CNTNAP5: variants seen among roughly 807,000 people sequenced by gnomAD.
CNTNAP5 encodes contactin-associated protein-like 5.
Under a neutral mutation model 150.2 loss-of-function variants are expected in CNTNAP5, and 72 were observed. The observed-to-expected ratio is 0.48, with a 90% CI of 0.40 to 0.58. The LOEUF is 0.58. Among genes scored for constraint, CNTNAP5 ranks in the 20% least tolerant of loss-of-function variants. CNTNAP5 has a pLI of 0.00. For synonymous variants in CNTNAP5, 672 were observed against 619.8 expected (o/e 1.08, Z -1.25); for missense variants, 1,636 against 1,626.2 (o/e 1.01, Z -0.10).
intron 5 of CNTNAP5, among the ~76,000 whole-genome samples, chr2:124,440,222 C>T (rs1359262226): frequency 6.6e-6 from 1 of 152,110 alleles, no homozygotes; most frequent in Non-Finnish European, 1.5e-5. Context: ...GTGTTGATAG[C>T]CTGACAAATT....
At chr2:124,199,394 T>C (rs1039503719) in intron 1 of CNTNAP5, among the ~76,000 whole-genome samples, 11 of 150,158 alleles carry the variant, frequency 7.3e-5, no homozygotes, top group African/African-American at 2.0e-4. Flanking sequence ...ATGTATTTTG[T>C]TACATTTATT....
At chr2:124,423,652 CTTTTTTTT>C (rs1187961580) in intron 4 of CNTNAP5, among the ~76,000 whole-genome samples, 8 of 41,594 alleles carry the variant, frequency 1.9e-4, no homozygotes, top group East Asian at 9.0e-4. Flanking sequence ...GGCTAATTAA[CTTTTTTTT>C]TTTTTTTTTT....
Position 124,400,669 on chromosome 2 carries a change from G to GTTTTTTTTTTTTTTTTTT in CNTNAP5, c.382-16772_382-16755dup, listed in dbSNP as rs760418441. ...TAATTTTTGAAAGGATAAAGGCATT[G>GTTTTTTTTTTTTTTTTTT]TTTTTTTTTTTTTTTTTTTGTTTTT... On this transcript the variant is annotated intron_variant, in intron 3 of 23. Coordinates refer to ENST00000682447, the MANE Select transcript of CNTNAP5 (RefSeq NM_001367498.1). 1.3e-3 allele frequency among the ~76,000 whole-genome samples: 106 copies of GTTTTTTTTTTTTTTTTTT among 84,472 alleles called. 1 individual carries two copies. Among genetic ancestry groups the GTTTTTTTTTTTTTTTTTT allele is most frequent in the Admixed American group, 1.8e-3 (14 of 7,678 alleles). The allele number at this position is 84,472 out of a possible 152,430, so 55.4% of individuals were successfully genotyped here. A position where few individuals can be genotyped will look rare whatever the true frequency, so the allele number is the denominator to read the frequency against.
chr2:124,547,168 A>G (rs552082814), intron 10 of CNTNAP5, among the ~76,000 whole-genome samples: 2 of 152,220 alleles, frequency 1.3e-5, no homozygotes, highest in East Asian at 3.9e-4. Context: ...CAGTATGCAG[A>G]TTCCCTGGCA....
At chr2:124,392,803 A>G (rs1030378979) in intron 3 of CNTNAP5, among the ~76,000 whole-genome samples, 3 of 151,956 alleles carry the variant, frequency 2.0e-5, no homozygotes, top group African/African-American at 4.8e-5. Context: ...ACACAAAAAC[A>G]AGCTTTGGTC....
At chr2:124,373,641 T>C (rs1044757325) in intron 3 of CNTNAP5, among the ~76,000 whole-genome samples, 7 of 151,952 alleles carry the variant, frequency 4.6e-5, no homozygotes, top group Non-Finnish European at 8.8e-5. Flanking sequence ...ATTGAGGTTT[T>C]CAAAAAAGTA....
chr2:124,536,312 T>A (rs1173256840), intron 10 of CNTNAP5, among the ~76,000 whole-genome samples: 5 of 152,224 alleles, frequency 3.3e-5, no homozygotes, highest in Non-Finnish European at 7.3e-5. Flanking sequence ...CTGCAAGGCC[T>A]ACCAAGTGGG....
chr2:124,786,044 G>A (rs1681560189), intron 17 of CNTNAP5, among the ~76,000 whole-genome samples: 1 of 151,882 alleles, frequency 6.6e-6, no homozygotes, highest in Admixed American at 6.6e-5. Context: ...GAGATAGCCT[G>A]GGCAACATAG....
intron 1 of CNTNAP5, among the ~76,000 whole-genome samples, chr2:124,121,057 G>A (rs566834330): frequency 6.6e-6 from 1 of 152,114 alleles, no homozygotes; most frequent in South Asian, 2.1e-4. Context: ...GGTTCAGTGT[G>A]TTCCCTGCCT....
chr2:124,284,907 T>C (rs539629249), intron 3 of CNTNAP5, among the ~76,000 whole-genome samples: 6 of 152,216 alleles, frequency 3.9e-5, no homozygotes, highest in African/African-American at 1.4e-4. Context: ...AAGGCCTGTG[T>C]GAACCAGGGA....
intron 3 of CNTNAP5, among the ~76,000 whole-genome samples, chr2:124,370,094 G>A (rs539360605): frequency 6.6e-6 from 1 of 152,266 alleles, no homozygotes; most frequent in Admixed American, 6.5e-5. Flanking sequence ...TTCTAGAGAT[G>A]CAAAATAAAT....
At chr2:124,169,239 C>T (rs1684876329) in intron 1 of CNTNAP5, among the ~76,000 whole-genome samples, 1 of 152,036 alleles carries the variant, frequency 6.6e-6, no homozygotes, top group Admixed American at 6.6e-5. Context: ...CTTGTGGTGG[C>T]ATTGGGGTTC....
chr2:124,896,859 C>T (rs539951108), intron 21 of CNTNAP5, among the ~76,000 whole-genome samples: 2 of 151,660 alleles, frequency 1.3e-5, no homozygotes, highest in East Asian at 3.9e-4. Context: ...AAGTTCTTAA[C>T]TTGCTTTAAC....
chr2:124,685,739 A>AGTGTGTGTGT (rs374079431), intron 13 of CNTNAP5, among the ~76,000 whole-genome samples: 271 of 130,802 alleles, frequency 2.1e-3, no homozygotes, highest in African/African-American at 7.0e-3. Flanking sequence ...ATCTAAAGTA[A>AGTGTGTGTGT]GTGTGTGTGT....
At chr2:124,593,112 T>C (rs1696736158) in intron 11 of CNTNAP5, among the ~76,000 whole-genome samples, 1 of 117,338 alleles carries the variant, frequency 8.5e-6, no homozygotes, top group South Asian at 2.9e-4. Flanking sequence ...TCAATATTTA[T>C]TTATTTATTT....
chr2:124,381,295 T>A (rs1690789341), intron 3 of CNTNAP5, among the ~76,000 whole-genome samples: 1 of 152,128 alleles, frequency 6.6e-6, no homozygotes, highest in African/African-American at 2.4e-5. Context: ...AGTGATGTGA[T>A]CTTTTTTATT....
intron 13 of CNTNAP5, among the ~76,000 whole-genome samples, chr2:124,681,586 C>T (rs185866083): frequency 3.3e-5 from 5 of 152,044 alleles, no homozygotes; most frequent in African/African-American, 4.8e-5. Flanking sequence ...TGTTTTGAGA[C>T]GGAGTTTCAC....
intron 1 of CNTNAP5, among the ~76,000 whole-genome samples, chr2:124,216,733 G>A (rs1199098357): frequency 6.6e-6 from 1 of 152,036 alleles, no homozygotes; most frequent in Admixed American, 6.6e-5. Context: ...CATTTTTTAT[G>A]GCTGCATAGT....
At chr2:124,090,123 C>A (rs966370685) in intron 1 of CNTNAP5, among the ~76,000 whole-genome samples, 1 of 152,094 alleles carries the variant, frequency 6.6e-6, no homozygotes, top group African/African-American at 2.4e-5. Flanking sequence ...GTAAAATCAG[C>A]AAAAATATCC....
Sources: allele counts gnomAD v4.1 joint callset (sites outside exome capture counted in the v4.1 genomes callset), GRCh38; gene constraint gnomAD v4.1.1; transcripts MANE v1.5; gene names NCBI Gene and HGNC (gene_info 2026-07-23, HGNC 2026-07-21).